The following AARS1 variants were observed in gnomAD, a reference collection of about 807,000 sequenced individuals.
AARS1 encodes alanyl-tRNA synthetase 1.
AARS1 carries 72 observed loss-of-function variants against 108.9 expected under a neutral mutation model. That is an observed-to-expected ratio of 0.66 (90% CI 0.55 to 0.80). The LOEUF (loss-of-function observed/expected upper bound fraction) is 0.80. Among genes scored for constraint, AARS1 ranks in the 30% least tolerant of loss-of-function variants. AARS1 has a pLI of 0.00. For missense variants in AARS1, 1,193 were observed against 1,233.2 expected (o/e 0.97, Z 0.49); for synonymous variants, 489 against 465.7 (o/e 1.05, Z -0.64).
rs1960034160 is a variant in AARS1 at position 70,258,072 on chromosome 16, G to A, written c.2138C>T (p.Pro713Leu). ...CTCAACAGAAGTCAGGGAGCCAGCA[G>A]GCCCAGAGGGGTCATCCAGCAACTC... ...VSELLDDPSG[P>L]AGSLTSVEFC... Residue 713 changes from proline to leucine, a missense_variant, in exon 15 of 21, where the codon CCT becomes CTT. Coordinates refer to ENST00000261772, the MANE Select transcript of AARS1 (RefSeq NM_001605.3). 1 of 1,614,144 alleles carries A rather than the reference G, an allele frequency of 6.2e-7. No individual in the cohort carries two copies. Among genetic ancestry groups the A allele is most frequent in the African/African-American group, 1.3e-5 (1 of 75,040 alleles).
At chr16:70,277,586 T>C (rs957015778) in intron 2 of AARS1, among the ~76,000 whole-genome samples, 1 of 152,194 alleles carries the variant, frequency 6.6e-6, no homozygotes, top group African/African-American at 2.4e-5. Context: ...AAGGGAATAA[T>C]ATCAGCACAC....
chr16:70,288,600 T>G (rs1393948775), intron 1 of AARS1, among the ~76,000 whole-genome samples: 1 of 127,212 alleles, frequency 7.9e-6, no homozygotes, highest in Non-Finnish European at 1.6e-5. Flanking sequence ...GGAGTCTCCC[T>G]CTGTCACCCA....
chr16:70,283,058 T>A (rs545209727), intron 1 of AARS1, among the ~76,000 whole-genome samples: 1 of 152,108 alleles, frequency 6.6e-6, no homozygotes, highest in Non-Finnish European at 1.5e-5. Flanking sequence ...TAAACAAATA[T>A]GTATCGAGCA....
In AARS1 at chr16:70,268,304, A is replaced by C; in HGVS notation, c.1038T>G (p.Phe346Leu). The change falls in exon 8 of 21, where the codon TTT becomes TTG. Residue 346 changes from phenylalanine to leucine, a missense_variant. Phe to Leu is a conservative substitution (Grantham distance 22, BLOSUM62 0). Coordinates refer to ENST00000261772, the MANE Select transcript of AARS1 (RefSeq NM_001605.3). ...GGACGACAACATCCACTAACGTAGC[A>C]AAGAAGCCCCTGCTGGCATTGAGCT... ...HEKLNASRGF[F>L]ATLVDVVVQS... 1 of 1,614,202 alleles carries C rather than the reference A, an allele frequency of 6.2e-7. No individual in the cohort carries two copies. Among genetic ancestry groups the C allele is most frequent in the South Asian group, 1.1e-5 (1 of 91,082 alleles).
rs1349559361 is a variant in AARS1, at chr16:70,270,140, G to C, written c.816+56C>G. ...ATTTTTTCTTTGACAGCACTGTTAA[G>C]AGTACAGCCTGGAAAACTCCACAGA... is the stretch of plus-strand genomic sequence containing the variant. On this transcript the variant is annotated intron_variant, in intron 6 of 20. Coordinates refer to ENST00000261772, the MANE Select transcript of AARS1 (RefSeq NM_001605.3). The C allele has an allele frequency of 1.9e-5, 31 of 1,603,518 alleles. No homozygotes were observed. The Middle Eastern group carries it at 8.3e-4, about 43-fold the overall frequency.
At chr16:70,254,300 C>A in intron 17 of AARS1, 1 of 597,030 alleles carries the variant, frequency 1.7e-6, no homozygotes, top group Non-Finnish European at 3.0e-6. Flanking sequence ...AGCTTCCTGG[C>A]AGCTTGAAAT....
At chr16:70,272,530 A>C (rs1401564706) in intron 4 of AARS1, among the ~76,000 whole-genome samples, 1 of 149,816 alleles carries the variant, frequency 6.7e-6, no homozygotes, top group Non-Finnish European at 1.5e-5. Flanking sequence ...AAAAAAAAAA[A>C]AAAAAACCCG....
intron 2 of AARS1, among the ~76,000 whole-genome samples, chr16:70,279,940 G>A (rs1273856029): frequency 6.6e-6 from 1 of 151,966 alleles, no homozygotes; most frequent in Non-Finnish European, 1.5e-5. Context: ...ACCCTGCCTG[G>A]AGTCCAGTGG....
chr16:70,271,330 AC>A (rs1339608134), intron 5 of AARS1, among the ~76,000 whole-genome samples: 3 of 152,066 alleles, frequency 2.0e-5, no homozygotes, highest in African/African-American at 7.2e-5. Flanking sequence ...GGAGTTCGAG[AC>A]CAGCCTGACC....
At position 70,261,019 on chromosome 16, in the gene AARS1, T is replaced by C. The variant is rs757276679; in HGVS notation, c.1785+25A>G. ...GAAGATAATTACTAACCAGATCCAA[T>C]GGGGGCCACAGTAACCCAACTCACC... is the stretch of plus-strand genomic sequence containing the variant. On this transcript the variant is annotated intron_variant, in intron 13 of 20. Transcript: ENST00000261772. 9.1e-6 allele frequency: 14 copies of C among 1,545,106 alleles called. No individual in the cohort carries two copies. The Admixed American group carries it at 1.0e-4, about 11-fold the overall frequency.
chr16:70,255,312 GC>G (rs1441777179), intron 16 of AARS1, among the ~76,000 whole-genome samples: 8 of 147,262 alleles, frequency 5.4e-5, no homozygotes, highest in African/African-American at 1.8e-4. Context: ...TGATTCTCCT[GC>G]CCCAGCCTCC....
At chr16:70,273,863 C>CAAAA (rs71385651) in intron 4 of AARS1, among the ~76,000 whole-genome samples, 27 of 54,210 alleles carry the variant, frequency 5.0e-4, no homozygotes, top group East Asian at 2.8e-3. Context: ...ACTCCGTCTC[C>CAAAA]AAAAAAAAAA....
chr16:70,263,759 C>T (rs1171633479), intron 11 of AARS1, among the ~76,000 whole-genome samples: 1 of 151,842 alleles, frequency 6.6e-6, no homozygotes, highest in Non-Finnish European at 1.5e-5. Context: ...GCCTCAGCCC[C>T]ACAAATAGCT....
intron 1 of AARS1, among the ~76,000 whole-genome samples, chr16:70,285,541 C>T (rs1567613787): frequency 6.6e-6 from 1 of 152,074 alleles, no homozygotes; most frequent in Non-Finnish European, 1.5e-5. Context: ...TTCCACCTCC[C>T]AAGTTCCTGC....
At chr16:70,286,716 G>A (rs1384798686) in intron 1 of AARS1, among the ~76,000 whole-genome samples, 4 of 151,618 alleles carry the variant, frequency 2.6e-5, no homozygotes, top group African/African-American at 2.4e-5. Flanking sequence ...GTGGTGGCAC[G>A]CACCTATAAT....
At chr16:70,253,195 G>A (rs1959886503) in intron 20 of AARS1, 73 bp downstream of exon 20, 1 of 1,285,114 alleles carries the variant, frequency 7.8e-7, no homozygotes, top group African/African-American at 1.5e-5. Flanking sequence ...TTCGAATGCA[G>A]GCTGTACACA....
chr16:70,266,832 A>ATTTCTT (rs900571657), intron 9 of AARS1, among the ~76,000 whole-genome samples: 27 of 147,262 alleles, frequency 1.8e-4, no homozygotes, highest in East Asian at 1.7e-3. Context: ...TTACACATCT[A>ATTTCTT]TTTCTTTTTC....
intron 2 of AARS1, among the ~76,000 whole-genome samples, chr16:70,281,022 G>A (rs1960684501): frequency 6.6e-6 from 1 of 152,054 alleles, no homozygotes; most frequent in African/African-American, 2.4e-5. Context: ...AAGAGACAGG[G>A]TTTCACCATG....
In AARS1 at chr16:70,258,954, G is replaced by A. The variant is rs775734426; in HGVS notation, c.1992+26C>T. 1.1e-5 allele frequency: 17 copies of A among 1,605,332 alleles called. No individual in the cohort carries two copies. The African/African-American group carries it at 1.9e-4, about 18-fold the overall frequency. On this transcript the variant is annotated intron_variant, in intron 14 of 20. Transcript: ENST00000261772. ...CAGACAGTGACGGTGTGGGGAGGGG[G>A]GGCATTCAGCCGTCGCCCATCCTAC...
Sources: allele counts gnomAD v4.1 joint callset (sites outside exome capture counted in the v4.1 genomes callset), GRCh38; gene constraint gnomAD v4.1.1; transcripts MANE v1.5; gene names NCBI Gene and HGNC (gene_info 2026-07-23, HGNC 2026-07-21).